CAMK4: variants seen among roughly 807,000 people sequenced by gnomAD.
CAMK4 encodes calcium/calmodulin-dependent protein kinase type IV.
In CAMK4, 22 loss-of-function variants were observed where a neutral mutation model predicts 44.9. That is an observed-to-expected ratio of 0.49 (90% CI 0.35 to 0.70). The LOEUF (loss-of-function observed/expected upper bound fraction) is 0.70, where lower values mean the gene tolerates loss of function less well. CAMK4 is among the 30% of genes least tolerant of loss of function. The probability of loss-of-function intolerance (pLI) is 0.01; values close to 1 mark genes in which losing one functional copy is unlikely to be tolerated. For synonymous variants in CAMK4, 218 were observed against 215.4 expected, an observed-to-expected ratio of 1.01 and a Z score of -0.11; for missense variants, 498 against 586.8, an observed-to-expected ratio of 0.85 and a Z score of 1.56.
At position 111,238,433 on chromosome 5, in the gene CAMK4, T is replaced by G. The variant is rs192156527; in HGVS notation, c.161+13789T>G. ...TTGCTCGCTCGCTGTCTCTCATCAC[T>G]GACCATGGAGGACACAGCAAGAAGT... On this transcript the variant is annotated intron_variant, in intron 1 of 10. Coordinates refer to ENST00000282356, the MANE Select transcript of CAMK4 (RefSeq NM_001744.6). Among the ~76,000 whole-genome samples, 513 of 152,218 alleles carry G rather than the reference T, an allele frequency of 3.4e-3. 4 individuals carry two copies. Among genetic ancestry groups the G allele is most frequent in the African/African-American group, 0.012 (482 of 41,532 alleles).
intron 7 of CAMK4, among the ~76,000 whole-genome samples, chr5:111,460,538 A>G (rs1754609091): frequency 6.6e-6 from 1 of 151,906 alleles, no homozygotes; most frequent in South Asian, 2.1e-4. Context: ...TATTTTTCAC[A>G]CTTAACACGA....
At chr5:111,276,629 A>G (rs1750771125) in intron 1 of CAMK4, among the ~76,000 whole-genome samples, 1 of 152,120 alleles carries the variant, frequency 6.6e-6, no homozygotes, top group South Asian at 2.1e-4. Context: ...TTGTTCACTT[A>G]GGTCATGCCT....
chr5:111,387,901 G>T (rs575367560), intron 4 of CAMK4, among the ~76,000 whole-genome samples: 3 of 152,224 alleles, frequency 2.0e-5, no homozygotes, highest in South Asian at 4.2e-4. Context: ...TCCTTTGCTT[G>T]GTCACTAGCA....
At chr5:111,231,174 A>G (rs1433251777) in intron 1 of CAMK4, among the ~76,000 whole-genome samples, 1 of 152,202 alleles carries the variant, frequency 6.6e-6, no homozygotes, top group East Asian at 1.9e-4. Flanking sequence ...ACAGTTTGTC[A>G]GAGATTTTCC....
chr5:111,480,064 T>C, intron 9 of CAMK4, among the ~76,000 whole-genome samples: 1 of 152,172 alleles, frequency 6.6e-6, no homozygotes, highest in Non-Finnish European at 1.5e-5. Context: ...CTGCCTGGTC[T>C]GGGGCCTGCC....
chr5:111,484,681 C>A lies in CAMK4; in HGVS notation c.*215C>A. On this transcript the variant is annotated 3_prime_UTR_variant, in exon 11 of 11. Coordinates refer to ENST00000282356, the MANE Select transcript of CAMK4 (RefSeq NM_001744.6). This position sits in a 1 kb window ranked among gnomAD's most constrained non-coding sequence, Gnocchi z 5.3. The stretch of plus-strand genomic sequence containing the variant: ...TATGGCATGTAATGGATACCTAATA[C>A]CGATGAGTTAAATCTTGCAAGTTAA... The A allele has an allele frequency of 2.6e-6, 1 of 381,008 alleles. No homozygotes were observed. Among genetic ancestry groups the A allele is most frequent in the South Asian group, 1.4e-4 (1 of 7,154 alleles). The allele number at this position is 381,008 out of a possible 1,614,324, so 23.6% of individuals were successfully genotyped here.
chr5:111,232,508 A>G (rs1434070208), intron 1 of CAMK4, among the ~76,000 whole-genome samples: 1 of 152,220 alleles, frequency 6.6e-6, no homozygotes, highest in Non-Finnish European at 1.5e-5. Context: ...AAATTTATAA[A>G]GCATGAACAT....
intron 1 of CAMK4, among the ~76,000 whole-genome samples, chr5:111,304,562 TGCAC>T (rs1747857970): frequency 2.5e-4 from 1 of 3,960 alleles, no homozygotes; most frequent in Non-Finnish European, 4.0e-4. Context: ...TAAATATTTA[TGCAC>T]CCAATACAGG....
intron 1 of CAMK4, among the ~76,000 whole-genome samples, chr5:111,318,271 G>A (rs1477241234): frequency 6.6e-6 from 1 of 152,124 alleles, no homozygotes; most frequent in Non-Finnish European, 1.5e-5. Context: ...TGGCTAGGTG[G>A]ATCACAATTC....
At chr5:111,268,594 C>A (rs1750363565) in intron 1 of CAMK4, among the ~76,000 whole-genome samples, 1 of 152,136 alleles carries the variant, frequency 6.6e-6, no homozygotes. Context: ...AACTTTTGTG[C>A]AGCAAGTTTT....
intron 1 of CAMK4, among the ~76,000 whole-genome samples, chr5:111,255,759 C>T (rs1749713611): frequency 6.6e-6 from 1 of 152,148 alleles, no homozygotes; most frequent in Non-Finnish European, 1.5e-5. Context: ...ATTGTATCAT[C>T]ATTTTATGGC....
At chr5:111,285,727 T>C (rs1751214509) in intron 1 of CAMK4, among the ~76,000 whole-genome samples, 1 of 152,226 alleles carries the variant, frequency 6.6e-6, no homozygotes, top group Admixed American at 6.5e-5. Context: ...GTGAGTTGCT[T>C]ATGTTCCCTG....
At chr5:111,268,207 A>C (rs1580506549) in intron 1 of CAMK4, among the ~76,000 whole-genome samples, 1 of 152,222 alleles carries the variant, frequency 6.6e-6, no homozygotes, top group Admixed American at 6.5e-5. Flanking sequence ...CTTCCAGTGA[A>C]TATGGTACTG....
At chr5:111,235,359 A>T (rs550193370) in intron 1 of CAMK4, among the ~76,000 whole-genome samples, 1 of 152,204 alleles carries the variant, frequency 6.6e-6, no homozygotes, top group South Asian at 2.1e-4. Context: ...AATGTGACCA[A>T]ATTCAAAATA....
At chr5:111,437,667 G>C (rs1415646230) in intron 5 of CAMK4, among the ~76,000 whole-genome samples, 2 of 152,202 alleles carry the variant, frequency 1.3e-5, no homozygotes, top group African/African-American at 4.8e-5. Flanking sequence ...GAGGAGAGCT[G>C]GCCAGATGAA....
intron 1 of CAMK4, among the ~76,000 whole-genome samples, chr5:111,330,729 C>A (rs1749131059): frequency 3.1e-5 from 1 of 32,710 alleles, no homozygotes; most frequent in African/African-American, 1.5e-4. Flanking sequence ...AACACCAATC[C>A]CCCATAGATA....
At chr5:111,424,241 A>C (rs1753133591) in intron 5 of CAMK4, among the ~76,000 whole-genome samples, 1 of 152,168 alleles carries the variant, frequency 6.6e-6, no homozygotes, top group Non-Finnish European at 1.5e-5. Flanking sequence ...AAAAAAAGTC[A>C]TACACCTTTA....
At chr5:111,358,944 A>G (rs1342479955) in intron 2 of CAMK4, among the ~76,000 whole-genome samples, 1 of 152,130 alleles carries the variant, frequency 6.6e-6, no homozygotes, top group Admixed American at 6.6e-5. Flanking sequence ...TTCTATGTAT[A>G]TATGTACCAC....
chr5:111,263,700 A>G (rs1228350679), intron 1 of CAMK4, among the ~76,000 whole-genome samples: 1 of 152,198 alleles, frequency 6.6e-6, no homozygotes, highest in African/African-American at 2.4e-5. Context: ...TAACCCTCCC[A>G]TAGCTTTCCA....
Sources: allele counts gnomAD v4.1 joint callset (sites outside exome capture counted in the v4.1 genomes callset), GRCh38; gene constraint gnomAD v4.1.1; non-coding constraint Gnocchi (gnomAD v3.1); transcripts MANE v1.5; gene names NCBI Gene and HGNC (gene_info 2026-07-23, HGNC 2026-07-21).